EDARADD: variants seen among roughly 807,000 people sequenced by gnomAD.
EDARADD encodes ectodysplasin-A receptor-associated adapter protein.
EDARADD carries 20 observed loss-of-function variants against 25.6 expected under a neutral mutation model. The ratio of observed to expected loss-of-function variants is 0.78; its 90% CI spans 0.55 to 1.14. The LOEUF (loss-of-function observed/expected upper bound fraction) is 1.14, where lower values mean the gene tolerates loss of function less well. EDARADD is among the 50% of genes most tolerant of loss of function. The probability of loss-of-function intolerance (pLI) is 0.00; values close to 1 mark genes in which losing one functional copy is unlikely to be tolerated. For synonymous variants in EDARADD, 86 were observed against 94.4 expected, an observed-to-expected ratio of 0.91 and a Z score of 0.52; for missense variants, 225 against 270.1, an observed-to-expected ratio of 0.83 and a Z score of 1.17.
intron 3 of EDARADD, among the ~76,000 whole-genome samples, chr1:236,357,791 G>C (rs560147133): frequency 1.3e-5 from 2 of 151,996 alleles, no homozygotes; most frequent in South Asian, 4.2e-4. Context: ...CTCCAACATG[G>C]GGATTACAGT....
intron 1 of EDARADD, among the ~76,000 whole-genome samples, chr1:236,406,670 C>T (rs539232845): frequency 2.3e-4 from 35 of 152,318 alleles, no homozygotes; most frequent in South Asian, 6.2e-4. Flanking sequence ...TGTGACTGTA[C>T]GTTAATGTGT....
rs549771231 is a variant in EDARADD at position 236,476,446 on chromosome 1, G to T, written c.266-5821G>T. ...CACACCTGTAATCCCAGCACTTCGGGAGGCCGAGGCAGGTGGATTGCTTCA... is the reference window on the plus strand; with the variant it reads ...CACACCTGTAATCCCAGCACTTCGGTAGGCCGAGGCAGGTGGATTGCTTCA... On this transcript the variant is annotated intron_variant, in intron 5 of 5. Coordinates refer to ENST00000334232, the MANE Select transcript of EDARADD (RefSeq NM_145861.4). 2.0e-5 allele frequency among the ~76,000 whole-genome samples: 3 copies of T among 152,210 alleles called. No individual in the cohort carries two copies. The East Asian group carries it at 5.8e-4, about 29-fold the overall frequency.
At chr1:236,460,486 C>G (rs1659009403) in intron 4 of EDARADD, among the ~76,000 whole-genome samples, 1 of 151,990 alleles carries the variant, frequency 6.6e-6, no homozygotes, top group Admixed American at 6.6e-5. Flanking sequence ...ATTCCCTGGC[C>G]AAATACATTT....
At chr1:236,369,509 T>C (rs1051868920) in intron 3 of EDARADD, among the ~76,000 whole-genome samples, 9 of 152,240 alleles carry the variant, frequency 5.9e-5, no homozygotes, top group African/African-American at 1.4e-4. Context: ...AGTTTATCCA[T>C]TGTTTTTTGT....
chr1:236,353,096 A>C (rs1363318240), intron 3 of EDARADD, among the ~76,000 whole-genome samples: 1 of 152,172 alleles, frequency 6.6e-6, no homozygotes, highest in Non-Finnish European at 1.5e-5. Context: ...CACATGCCTC[A>C]TGGCTCATCC....
intron 5 of EDARADD, among the ~76,000 whole-genome samples, chr1:236,482,035 C>T (rs1397534602): frequency 2.1e-5 from 3 of 144,510 alleles, no homozygotes; most frequent in Non-Finnish European, 3.0e-5. Flanking sequence ...ATGGCGTGAA[C>T]CCCTGGGAGG....
At chr1:236,474,865 G>A (rs1659460093) in intron 5 of EDARADD, among the ~76,000 whole-genome samples, 1 of 152,196 alleles carries the variant, frequency 6.6e-6, no homozygotes, top group Non-Finnish European at 1.5e-5. Flanking sequence ...GGGTGTGATA[G>A]CTCACGCCTG....
intron 4 of EDARADD, among the ~76,000 whole-genome samples, chr1:236,455,073 G>C (rs977329250): frequency 2.0e-5 from 3 of 152,176 alleles, no homozygotes; most frequent in Non-Finnish European, 4.4e-5. Context: ...AGCTGGGCGT[G>C]GTGGCGGGCG....
chr1:236,470,722 C>T (rs903444222), intron 5 of EDARADD, among the ~76,000 whole-genome samples: 1 of 152,194 alleles, frequency 6.6e-6, no homozygotes, highest in Non-Finnish European at 1.5e-5. Context: ...TCTCCTGCCT[C>T]AGCCTCCTCC....
rs1667502047 is a variant in EDARADD, at chr1:236,395,645, G to C, written c.61+1140G>C. 8.3e-6 allele frequency: 13 copies of C among 1,575,680 alleles called. No individual in the cohort carries two copies. Among genetic ancestry groups the C allele is most frequent in the Non-Finnish European group, 1.1e-5 (13 of 1,163,434 alleles). ...ACCCGCCGCCATGGCTTCACCGGACGACCCTCTGCGCGCAGGTAAAGGGAC... is the reference window on the plus strand; with the variant it reads ...ACCCGCCGCCATGGCTTCACCGGACCACCCTCTGCGCGCAGGTAAAGGGAC... On this transcript the variant is annotated intron_variant, in intron 1 of 5. Coordinates refer to ENST00000334232, the MANE Select transcript of EDARADD (RefSeq NM_145861.4). This position sits in a 1 kb window ranked among gnomAD's most constrained non-coding sequence, Gnocchi z 6.9.
At chr1:236,359,864 C>G (rs759481378) in intron 3 of EDARADD, among the ~76,000 whole-genome samples, 3 of 152,176 alleles carry the variant, frequency 2.0e-5, no homozygotes, top group Non-Finnish European at 4.4e-5. Context: ...CACAGCCAAA[C>G]CATATCACCA....
intron 3 of EDARADD, among the ~76,000 whole-genome samples, chr1:236,383,182 G>A (rs1017249437): frequency 6.6e-6 from 1 of 151,954 alleles, no homozygotes; most frequent in Non-Finnish European, 1.5e-5. Flanking sequence ...ATCACCTGAG[G>A]TCAGGAGTTT....
At chr1:236,443,597 C>T (rs1297867250) in intron 4 of EDARADD, among the ~76,000 whole-genome samples, 1 of 152,136 alleles carries the variant, frequency 6.6e-6, no homozygotes, top group Non-Finnish European at 1.5e-5. Context: ...GAAGATGGGG[C>T]TGGATTTCTG....
chr1:236,364,816 A>G (rs559593758), intron 3 of EDARADD, among the ~76,000 whole-genome samples: 21 of 152,350 alleles, frequency 1.4e-4, no homozygotes, highest in African/African-American at 5.0e-4. Flanking sequence ...TTCTACATAG[A>G]TATCATGACA....
At chr1:236,481,600 CAA>C (rs35354317) in intron 5 of EDARADD, among the ~76,000 whole-genome samples, 443 of 137,180 alleles carry the variant, frequency 3.2e-3, no homozygotes, top group African/African-American at 4.7e-3. Context: ...CCACCTCTAC[CAA>C]AAAAAAAAAA....
At chr1:236,423,451 G>A (rs142086026) in intron 3 of EDARADD, among the ~76,000 whole-genome samples, 7 of 152,192 alleles carry the variant, frequency 4.6e-5, no homozygotes, top group Non-Finnish European at 8.8e-5. Flanking sequence ...ACTGTATTCC[G>A]TGGCCTGCAT....
chr1:236,410,531 G>T (rs111974955), intron 2 of EDARADD, among the ~76,000 whole-genome samples: 14 of 152,228 alleles, frequency 9.2e-5, no homozygotes, highest in African/African-American at 3.1e-4. Flanking sequence ...GATGCAGAAA[G>T]GACAGTTAAT....
At chr1:236,472,016 C>T (rs990227584) in intron 5 of EDARADD, among the ~76,000 whole-genome samples, 6 of 151,702 alleles carry the variant, frequency 4.0e-5, no homozygotes, top group Non-Finnish European at 8.8e-5. Context: ...CAGACATTCA[C>T]TATTTTTTTT....
intron 4 of EDARADD, among the ~76,000 whole-genome samples, chr1:236,437,753 T>C (rs892656728): frequency 6.8e-6 from 1 of 147,534 alleles, no homozygotes; most frequent in African/African-American, 2.5e-5. Flanking sequence ...CTTTTTTTTT[T>C]TTTTTTTTTT....
Sources: allele counts gnomAD v4.1 joint callset (sites outside exome capture counted in the v4.1 genomes callset), GRCh38; gene constraint gnomAD v4.1.1; non-coding constraint Gnocchi (gnomAD v3.1); transcripts MANE v1.5; gene names NCBI Gene and HGNC (gene_info 2026-07-23, HGNC 2026-07-21).